GPATCH8: variants seen among roughly 807,000 people sequenced by gnomAD.
The protein encoded by GPATCH8 is G patch domain-containing protein 8.
A neutral mutation model predicts 118.3 loss-of-function variants in GPATCH8; 18 were observed. That is an observed-to-expected ratio of 0.15 (90% CI 0.11 to 0.23). The LOEUF (loss-of-function observed/expected upper bound fraction) is 0.23. GPATCH8 is among the 10% of genes least tolerant of loss of function. The pLI, the probability that GPATCH8 is intolerant of heterozygous loss-of-function variation, is 1.00. For missense variants in GPATCH8, 1,631 were observed against 1,873.8 expected (o/e 0.87, Z 2.39); for synonymous variants, 659 against 684.7 (o/e 0.96, Z 0.59).
chr17:44,420,906 C>T (rs942202759), intron 6 of GPATCH8, among the ~76,000 whole-genome samples: 1 of 152,088 alleles, frequency 6.6e-6, no homozygotes, highest in East Asian at 1.9e-4. Context: ...GTCACTTAGG[C>T]TGGAGTGCAG....
intron 1 of GPATCH8, among the ~76,000 whole-genome samples, chr17:44,502,657 C>T (rs751850935): frequency 1.3e-5 from 2 of 152,132 alleles, no homozygotes; most frequent in African/African-American, 2.4e-5. Context: ...ACAAATCTTT[C>T]GAGATAGGAT....
intron 3 of GPATCH8, among the ~76,000 whole-genome samples, chr17:44,453,053 G>A (rs1311264341): frequency 2.0e-5 from 3 of 151,880 alleles, no homozygotes; most frequent in African/African-American, 7.3e-5. Context: ...GGCTGGTCTC[G>A]AACTCCTGAG....
At chr17:44,463,181 A>G (rs1034358151) in intron 3 of GPATCH8, among the ~76,000 whole-genome samples, 2 of 151,866 alleles carry the variant, frequency 1.3e-5, no homozygotes, top group African/African-American at 4.8e-5. Context: ...CAACCTCCCA[A>G]ACTGCTGGGA....
intron 1 of GPATCH8, among the ~76,000 whole-genome samples, chr17:44,501,127 C>A (rs912347938): frequency 6.6e-6 from 1 of 152,214 alleles, no homozygotes; most frequent in Admixed American, 6.5e-5. Context: ...ATTTTAAAAA[C>A]CAACATTTTC....
Position 44,397,448 on chromosome 17 carries a change from C to A in GPATCH8, c.*120G>T, listed in dbSNP as rs889136557. ...CACCCCTGCAAGCCAAAACTCAATT[C>A]TTTGGCTGTCAGACACTGCCCATCC... On this transcript the variant is annotated 3_prime_UTR_variant, in exon 8 of 8. Coordinates refer to ENST00000591680, the MANE Select transcript of GPATCH8 (RefSeq NM_001002909.4). 7.9e-6 allele frequency: 6 copies of A among 759,626 alleles called. No homozygotes were observed. Among genetic ancestry groups the A allele is most frequent in the Admixed American group, 2.0e-5 (1 of 50,738 alleles). The allele number at this position is 759,626 out of a possible 1,614,324, so 47.1% of individuals were successfully genotyped here.
In GPATCH8 at chr17:44,398,594, A is replaced by C. The variant is rs936018; in HGVS notation, c.3483T>G (p.Cys1161Trp). The C allele has an allele frequency of 0.024, 36,529 of 1,553,664 alleles. 539 individuals carry two copies. The highest frequency in any genetic ancestry group is 0.028 in the Non-Finnish European group (32,562 of 1,154,502). ...CCCCCCTTTCCAAGCCAGACTCTTC[A>C]CACTTCTTATTGGGCTTTCGGGTAG... ...LPATRKPNKK[C>W]EESGLERGEE... The change falls in exon 8 of 8, where the codon TGT (cysteine) becomes TGG (tryptophan). Residue 1161 changes from cysteine to tryptophan, a missense_variant. By Grantham distance (215) the Cys-to-Trp change is radical. Around this residue, in one of 8 missense-constraint regions of GPATCH8, gnomAD observed 922 missense variants for 879.7 expected, o/e 1.05. Coordinates refer to ENST00000591680, the MANE Select transcript of GPATCH8 (RefSeq NM_001002909.4).
intron 3 of GPATCH8, among the ~76,000 whole-genome samples, chr17:44,441,795 G>A (rs1286519071): frequency 2.0e-5 from 3 of 151,672 alleles, no homozygotes; most frequent in Non-Finnish European, 4.4e-5. Flanking sequence ...TTGGGAGGCC[G>A]AGGCGGGTGG....
chr17:44,421,890 C>T (rs12051553), intron 6 of GPATCH8, among the ~76,000 whole-genome samples: 5 of 151,750 alleles, frequency 3.3e-5, no homozygotes, highest in African/African-American at 7.3e-5. Flanking sequence ...CCATGCCTGG[C>T]TAATTTTTGT....
At chr17:44,445,579 C>T in intron 3 of GPATCH8, among the ~76,000 whole-genome samples, 1 of 151,830 alleles carries the variant, frequency 6.6e-6, no homozygotes, top group Non-Finnish European at 1.5e-5. Flanking sequence ...GATCTCGGCT[C>T]ACTGCAACCT....
chr17:44,464,678 T>C, intron 2 of GPATCH8, 134 bp from the exon 3 acceptor site: 1 of 727,614 alleles, frequency 1.4e-6, no homozygotes, highest in Non-Finnish European at 2.5e-6. Context: ...AATAATAGGG[T>C]AAATGTGCCC....
chr17:44,457,473 G>T (rs1229635100), intron 3 of GPATCH8, among the ~76,000 whole-genome samples: 2 of 152,090 alleles, frequency 1.3e-5, no homozygotes, highest in Admixed American at 1.3e-4. Flanking sequence ...GATGTCTGGA[G>T]ATACACTCCA....
chr17:44,467,160 A>G (rs1439223783), intron 2 of GPATCH8: 1 of 970,262 alleles, frequency 1.0e-6, no homozygotes, highest in Non-Finnish European at 1.4e-6. Flanking sequence ...GAAACTGTCC[A>G]ATCACTAATG....
intron 5 of GPATCH8, among the ~76,000 whole-genome samples, chr17:44,429,460 A>C (rs11079137): frequency 0.6 from 91,602 of 151,792 alleles, 27,861 homozygotes; most frequent in Middle Eastern, 0.68. Flanking sequence ...TCTGGAGAAA[A>C]TCTTGTGTGT....
intron 6 of GPATCH8, among the ~76,000 whole-genome samples, chr17:44,410,012 T>G (rs1261741142): frequency 6.6e-6 from 1 of 152,222 alleles, no homozygotes; most frequent in Non-Finnish European, 1.5e-5. Context: ...TAAAGTTATA[T>G]AGTATGGTCC....
rs2050064186 is a variant in GPATCH8 at position 44,425,650 on chromosome 17, T to C, written c.349-1158A>G. On this transcript the variant is annotated intron_variant, in intron 5 of 7. Coordinates refer to ENST00000591680, the MANE Select transcript of GPATCH8 (RefSeq NM_001002909.4). ...CTCAAGCAATCTTCCCACCTCGGCC[T>C]CCCAAGTATCTTGGACTATAGGCGT... Among the ~76,000 whole-genome samples, 3 of 152,144 alleles carry C rather than the reference T, an allele frequency of 2.0e-5. No homozygotes were observed. The South Asian group carries it at 6.2e-4, about 31-fold the overall frequency.
At chr17:44,404,754 T>C (rs1232774718) in intron 7 of GPATCH8, among the ~76,000 whole-genome samples, 1 of 152,172 alleles carries the variant, frequency 6.6e-6, no homozygotes, top group East Asian at 1.9e-4. Flanking sequence ...AAGAAGGATC[T>C]ATTAAACATT....
intron 1 of GPATCH8, among the ~76,000 whole-genome samples, chr17:44,500,486 T>G (rs61547202): frequency 0.018 from 2,780 of 152,304 alleles, 89 homozygotes; most frequent in African/African-American, 0.064. Flanking sequence ...CTGTTAACTA[T>G]AACTTTTCAC....
chr17:44,399,962 C>T lies in GPATCH8; in HGVS notation c.2115G>A (p.Gly705=), dbSNP rs565338842. Residue 705 remains glycine (G), a synonymous_variant, in exon 8 of 8, where the codon GGG becomes GGA. Transcript: ENST00000591680. ...GTTTCTTGCGCTTCTTAGATTTCTC[C>T]CCTGACTCTGCCTTAGAGCTTTTCT... ...TEEKSSKAES[G]EKSKKRKKRK... 142 of 1,614,076 alleles carry T rather than the reference C, an allele frequency of 8.8e-5. 2 individuals carry two copies. The South Asian group carries it at 1.3e-3, about 15-fold the overall frequency.
Position 44,399,813 on chromosome 17 carries a change from T to C in GPATCH8, c.2264A>G (p.Gln755Arg), listed in dbSNP as rs774100263. Residue 755 changes from glutamine (Q) to arginine (R), a missense_variant, in exon 8 of 8, where the codon CAG becomes CGG. Physicochemically the swap from Gln to Arg is conservative, Grantham distance 43. Coordinates refer to ENST00000591680, the MANE Select transcript of GPATCH8 (RefSeq NM_001002909.4). The stretch of plus-strand genomic sequence containing the variant: ...CTCTTCAGCTGGGAGGGATCTCCGC[T>C]GGGAGTCATCTTGAGCTCTCCGCCT... ...RRRRRAQDDS[Q>R]RRSLPAEEGS... is the part of the protein sequence containing the mutation. 2 of 1,613,642 alleles carry C rather than the reference T, an allele frequency of 1.2e-6. No homozygotes were observed. Among genetic ancestry groups the C allele is most frequent in the Non-Finnish European group, 1.7e-6 (2 of 1,179,798 alleles).
Sources: gnomAD v4.1 joint callset for allele counts (sites outside exome capture counted in the v4.1 genomes callset) on GRCh38, gnomAD v4.1.1 for gene constraint, gnomAD v4.1.1 regional missense constraint, MANE v1.5 for transcripts, NCBI Gene and HGNC (gene_info 2026-07-23, HGNC 2026-07-21) for gene names.